The following CSTPP1 variants were observed in gnomAD, a reference collection of about 807,000 sequenced individuals.
The protein encoded by CSTPP1 is UPF0705 protein C11orf49.
At chr11:47,032,571 A>T in the CSTPP1 span, among the ~76,000 whole-genome samples, 2 of 152,238 alleles carry the variant, frequency 1.3e-5, no homozygotes, top group African/African-American at 4.8e-5. Context: ...ATTTTAATTT[A>T]AAAAATTTTT....
At chr11:46,953,934 C>T in the CSTPP1 span, among the ~76,000 whole-genome samples, 2 of 152,082 alleles carry the variant, frequency 1.3e-5, no homozygotes, top group African/African-American at 4.8e-5. Flanking sequence ...AAGTAAGAAT[C>T]AAGATTATCT....
the CSTPP1 span, among the ~76,000 whole-genome samples, chr11:47,113,048 A>C: frequency 6.6e-6 from 1 of 152,038 alleles, no homozygotes; most frequent in Admixed American, 6.6e-5. Flanking sequence ...TGTCCAAGTG[A>C]TCTCATTGTT....
the CSTPP1 span, among the ~76,000 whole-genome samples, chr11:47,058,632 T>C: frequency 3.3e-5 from 5 of 152,202 alleles, no homozygotes; most frequent in African/African-American, 1.2e-4. Context: ...ATTTATTAAG[T>C]GCTTCTATGT....
chr11:47,111,968 CT>C, the CSTPP1 span, among the ~76,000 whole-genome samples: 3 of 151,978 alleles, frequency 2.0e-5, no homozygotes, highest in Non-Finnish European at 4.4e-5. Context: ...TTTCTCTAAC[CT>C]CATCTCTTCT....
At chr11:47,154,398 T>C in the CSTPP1 span, 15 of 152,236 alleles carry the variant, frequency 9.9e-5, no homozygotes, top group African/African-American at 3.4e-4. Flanking sequence ...CTGGCTCAGA[T>C]GAGGTGCTGA....
At chr11:46,937,299 G>C in the CSTPP1 span, among the ~76,000 whole-genome samples, 6 of 151,732 alleles carry the variant, frequency 4.0e-5, no homozygotes, top group Non-Finnish European at 8.8e-5. Context: ...GAATTACCGT[G>C]TTTTCTTCCA....
the CSTPP1 span, among the ~76,000 whole-genome samples, chr11:46,968,880 CAG>C: frequency 2.0e-5 from 3 of 151,964 alleles, no homozygotes; most frequent in African/African-American, 7.3e-5. Context: ...GCCTGGGCAA[CAG>C]AGTGAGATTC....
the CSTPP1 span, among the ~76,000 whole-genome samples, chr11:46,955,612 C>T: frequency 6.6e-6 from 1 of 152,004 alleles, no homozygotes; most frequent in Non-Finnish European, 1.5e-5. Context: ...ATTCGCCCGC[C>T]TCAGCCTTCC....
the CSTPP1 span, among the ~76,000 whole-genome samples, chr11:47,141,510 G>A: frequency 6.6e-6 from 1 of 152,038 alleles, no homozygotes; most frequent in South Asian, 2.1e-4. Flanking sequence ...GGGAGGCTGA[G>A]GTGGGAGAAT....
chr11:47,002,744 C>G, the CSTPP1 span, among the ~76,000 whole-genome samples: 1 of 152,012 alleles, frequency 6.6e-6, no homozygotes, highest in African/African-American at 2.4e-5. Context: ...CCCAATGATA[C>G]TATTTCTGTT....
At chr11:46,951,424 G>T in the CSTPP1 span, among the ~76,000 whole-genome samples, 1 of 151,560 alleles carries the variant, frequency 6.6e-6, no homozygotes, top group African/African-American at 2.4e-5. Flanking sequence ...AGCCTCCCAG[G>T]TAGCTGGGAC....
the CSTPP1 span, among the ~76,000 whole-genome samples, chr11:46,946,213 CTTTG>C: frequency 6.6e-6 from 1 of 152,254 alleles, no homozygotes; most frequent in South Asian, 2.1e-4. Context: ...AAATTTTTGA[CTTTG>C]TTTATCATTT....
chr11:47,090,659 G>C, the CSTPP1 span, among the ~76,000 whole-genome samples: 1 of 152,218 alleles, frequency 6.6e-6, no homozygotes, highest in East Asian at 1.9e-4. Context: ...CATGTGCCAG[G>C]AATTAGGTTA....
the CSTPP1 span, among the ~76,000 whole-genome samples, chr11:47,077,060 A>C: frequency 6.7e-4 from 102 of 151,998 alleles, no homozygotes; most frequent in African/African-American, 2.4e-3. Context: ...CTAGAATGCC[A>C]TCAGGCTTCT....
At chr11:47,022,358 C>CTTTTTTTT in the CSTPP1 span, among the ~76,000 whole-genome samples, 3 of 48,806 alleles carry the variant, frequency 6.1e-5, 1 homozygote, top group Admixed American at 3.1e-4. Flanking sequence ...TTCATATGTC[C>CTTTTTTTT]TTTTTTTTTT....
At chr11:47,140,918 G>A in the CSTPP1 span, among the ~76,000 whole-genome samples, 3 of 151,874 alleles carry the variant, frequency 2.0e-5, no homozygotes, top group Non-Finnish European at 2.9e-5. Context: ...GGCTATCATG[G>A]TGAAACCCCA....
chr11:46,966,378 A>T, the CSTPP1 span, among the ~76,000 whole-genome samples: 1 of 152,188 alleles, frequency 6.6e-6, no homozygotes, highest in African/African-American at 2.4e-5. Flanking sequence ...TCTCAGGCTC[A>T]TGGATGAAGT....
chr11:47,041,302 A>G, the CSTPP1 span: 5 of 266,182 alleles, frequency 1.9e-5, 1 homozygote, highest in East Asian at 1.7e-4. Context: ...TCTGTCTCAT[A>G]CAGGGATAGA....
At chr11:46,999,126 C>A in the CSTPP1 span, among the ~76,000 whole-genome samples, 1 of 152,002 alleles carries the variant, frequency 6.6e-6, no homozygotes, top group Non-Finnish European at 1.5e-5. Flanking sequence ...GCTGCTTATT[C>A]TTCTAAGTCC....
Sources: gnomAD v4.1 joint callset for allele counts (sites outside exome capture counted in the v4.1 genomes callset) on GRCh38, gnomAD v4.1.1 for gene constraint, MANE v1.5 for transcripts, NCBI Gene and HGNC (gene_info 2026-07-23, HGNC 2026-07-21) for gene names.